C2orf69: variants seen among roughly 807,000 people sequenced by gnomAD.
The protein encoded by C2orf69 is chromosome 2 open reading frame 69.
In C2orf69, 19 loss-of-function variants were observed where a neutral mutation model predicts 29.5. The observed-to-expected ratio is 0.65, with a 90% confidence interval of 0.45 to 0.95. The LOEUF (loss-of-function observed/expected upper bound fraction) is 0.95. C2orf69 is among the 40% of genes least tolerant of loss of function. C2orf69 has a pLI of 0.00. For synonymous variants in C2orf69, 194 were observed against 180.0 expected, an observed-to-expected ratio of 1.08 and a Z score of -0.62; for missense variants, 416 against 482.1, an observed-to-expected ratio of 0.86 and a Z score of 1.28.
At chr2:199,916,538 A>G (rs147954475) in intron 1 of C2orf69, among the ~76,000 whole-genome samples, 1 of 152,190 alleles carries the variant, frequency 6.6e-6, no homozygotes, top group Non-Finnish European at 1.5e-5. Context: ...TCCACCTATG[A>G]GCCTGTAAAA....
chr2:199,924,158 A>T (rs1272213703), intron 1 of C2orf69, among the ~76,000 whole-genome samples: 1 of 152,184 alleles, frequency 6.6e-6, no homozygotes, highest in East Asian at 1.9e-4. Context: ...CTATAATACC[A>T]ATACTTTGGA....
chr2:199,920,308 G>C (rs1480829716), intron 1 of C2orf69, among the ~76,000 whole-genome samples: 2 of 152,042 alleles, frequency 1.3e-5, no homozygotes, highest in African/African-American at 2.4e-5. Context: ...TCTGGGCTTT[G>C]ACACACAGTA....
rs571553456 is a variant in C2orf69, at chr2:199,911,356, C to A, written c.-83C>A. On this transcript the variant is annotated 5_prime_UTR_variant, in exon 1 of 2. Coordinates refer to ENST00000319974, the MANE Select transcript of C2orf69 (RefSeq NM_153689.6). ...CCGCGGCCGCCGACCGTTGAGCCGCCGGCTGAGCCGCCTGCTGAAGTCCCT... is the reference window on the plus strand; with the variant it reads ...CCGCGGCCGCCGACCGTTGAGCCGCAGGCTGAGCCGCCTGCTGAAGTCCCT... 1 of 1,369,188 alleles carries A rather than the reference C, an allele frequency of 7.3e-7. No homozygotes were observed. The highest frequency in any genetic ancestry group is 9.4e-7 in the Non-Finnish European group (1 of 1,066,800). The allele number at this position is 1,369,188 out of a possible 1,614,324, so 84.8% of individuals were successfully genotyped here.
intron 1 of C2orf69, among the ~76,000 whole-genome samples, chr2:199,915,040 G>A (rs1323687928): frequency 6.6e-6 from 1 of 152,174 alleles, no homozygotes; most frequent in Admixed American, 6.5e-5. Context: ...CATGTTTTAG[G>A]TGTGCAGTAG....
At chr2:199,911,823 G>A (rs1391275589) in intron 1 of C2orf69, 52 bp downstream of exon 1, 47 of 1,534,790 alleles carry the variant, frequency 3.1e-5, no homozygotes, top group Non-Finnish European at 4.0e-5. Flanking sequence ...GTATACGTAC[G>A]CGGTCACTGA....
At chr2:199,914,989 T>TA (rs1441603184) in intron 1 of C2orf69, among the ~76,000 whole-genome samples, 1 of 152,240 alleles carries the variant, frequency 6.6e-6, no homozygotes, top group Non-Finnish European at 1.5e-5. Flanking sequence ...AATATAAGCT[T>TA]ACGTTTGTTC....
In C2orf69 at chr2:199,925,047, T is replaced by C. The variant is rs1331342356; in HGVS notation, c.334-15T>C. The stretch of plus-strand genomic sequence containing the variant: ...ATATGTATTTAATACTTATTTCATC[T>C]TTCTTACCTTTCAGAATTACCATGA... On this transcript the variant is annotated splice_polypyrimidine_tract_variant and intron_variant, in intron 1 of 1. Transcript: ENST00000319974. The surrounding 1 kb of genome is among the most constrained non-coding windows in gnomAD (Gnocchi z 4.9). The C allele has an allele frequency of 6.9e-7, 1 of 1,453,410 alleles. No individual in the cohort carries two copies. Among genetic ancestry groups the C allele is most frequent in the East Asian group, 2.3e-5 (1 of 43,666 alleles). 90.0% of individuals were successfully genotyped at this position (1,453,410 alleles called of 1,614,324 possible).
chr2:199,912,630 C>T (rs1417440665), intron 1 of C2orf69, among the ~76,000 whole-genome samples: 8 of 151,988 alleles, frequency 5.3e-5, no homozygotes. Context: ...TAGACTATAG[C>T]TAGGTATGTT....
rs2077260464 is a variant in C2orf69 at position 199,911,642 on chromosome 2, C to T, written c.204C>T (p.Ser68=). ...TGCCTGGAGCCGATCCGCAGCGCAG[C>T]AACGAATTGCTCCTGTTGGCGGCGG... The part of the protein sequence containing the change: ...STVPGADPQR[S]NELLLLAAAG... Residue 68 remains serine (S), a synonymous_variant, in exon 1 of 2, where the codon AGC becomes AGT. Transcript: ENST00000319974. 1.9e-6 allele frequency: 3 copies of T among 1,549,430 alleles called. No individual in the cohort carries two copies. Among genetic ancestry groups the T allele is most frequent in the Non-Finnish European group, 2.6e-6 (3 of 1,146,600 alleles).
rs1203027040 is a variant in C2orf69 at position 199,927,959 on chromosome 2, C to G, written c.*2073C>G. 6.6e-6 allele frequency: 1 copy of G among 152,150 alleles called. No individual in the cohort carries two copies. The highest frequency in any genetic ancestry group is 1.9e-4 in the East Asian group (1 of 5,198). The allele number at this position is 152,150 out of a possible 1,614,324, so 9.4% of individuals were successfully genotyped here. ...TGTGAATGCTTAATTATAATTGTTA[C>G]ATGTTGAATGGGTATTAAGAGTAAG... On this transcript the variant is annotated 3_prime_UTR_variant, in exon 2 of 2. Transcript: ENST00000319974.
At chr2:199,913,958 A>G (rs2077284082) in intron 1 of C2orf69, among the ~76,000 whole-genome samples, 1 of 152,226 alleles carries the variant, frequency 6.6e-6, no homozygotes, top group Admixed American at 6.5e-5. Flanking sequence ...ACCCTGATTT[A>G]GAACTTTTTA....
intron 1 of C2orf69, among the ~76,000 whole-genome samples, chr2:199,924,257 G>A (rs1348402384): frequency 1.3e-5 from 2 of 152,030 alleles, no homozygotes; most frequent in Non-Finnish European, 2.9e-5. Flanking sequence ...GAATAAAAAC[G>A]TTAGCCACAA....
intron 1 of C2orf69, among the ~76,000 whole-genome samples, chr2:199,924,148 C>A: frequency 6.6e-6 from 1 of 152,048 alleles, no homozygotes; most frequent in Non-Finnish European, 1.5e-5. Context: ...TGACTCATGC[C>A]TATAATACCA....
intron 1 of C2orf69, among the ~76,000 whole-genome samples, chr2:199,922,541 G>C (rs60738719): frequency 0.14 from 20,962 of 152,138 alleles, 1,737 homozygotes; most frequent in Middle Eastern, 0.22. Context: ...ATGCATATAT[G>C]TAAGTATATC....
In C2orf69 at chr2:199,925,553, T is replaced by G. The variant is rs748051822; in HGVS notation, c.825T>G (p.Phe275Leu). ...KGCVVLNQLL[F>L]ELKEAKKDKN... ...GTGTTGTTTTGAATCAGTTGCTTTT[T>G]GAATTGAAAGAAGCCAAGAAAGACA... Residue 275 changes from phenylalanine to leucine, a missense_variant, in exon 2 of 2, where the codon TTT becomes TTG. Physicochemically the swap from Phe to Leu is conservative, Grantham distance 22 (BLOSUM62 0). Transcript: ENST00000319974. This position sits in a 1 kb window ranked among gnomAD's most constrained non-coding sequence, Gnocchi z 4.9. 2 of 1,613,938 alleles carry G rather than the reference T, an allele frequency of 1.2e-6. No individual in the cohort carries two copies. Among genetic ancestry groups the G allele is most frequent in the Non-Finnish European group, 1.7e-6 (2 of 1,179,852 alleles).
chr2:199,911,999 A>G (rs149905387), intron 1 of C2orf69, among the ~76,000 whole-genome samples: 17 of 152,304 alleles, frequency 1.1e-4, no homozygotes, highest in African/African-American at 2.9e-4. Flanking sequence ...GACGAGGGCT[A>G]CGATCTCGAA....
In C2orf69 at chr2:199,913,388, A is replaced by AATATATATTCTATT. The variant is rs2077280254; in HGVS notation, c.333+1620_333+1621insTATATTCTATTATA. Among the ~76,000 whole-genome samples, 5 of 108,538 alleles carry AATATATATTCTATT rather than the reference A, an allele frequency of 4.6e-5. 1 individual carries two copies. Among genetic ancestry groups the AATATATATTCTATT allele is most frequent in the South Asian group, 4.7e-4 (2 of 4,222 alleles). The allele number at this position is 108,538 out of a possible 152,430, so 71.2% of individuals were successfully genotyped here. A position where few individuals can be genotyped will look rare whatever the true frequency, so the allele number is the denominator to read the frequency against. On this transcript the variant is annotated intron_variant, in intron 1 of 1. Transcript: ENST00000319974. ...TTCTATTATGATATATATTATATAT[A>AATATATATTCTATT]ATAACATATATTATATATAATATAT...
intron 1 of C2orf69, among the ~76,000 whole-genome samples, chr2:199,913,200 A>AATATATATTATAAT: frequency 1.0e-5 from 1 of 98,644 alleles, no homozygotes; most frequent in South Asian, 2.7e-4. Flanking sequence ...TATTATATAT[A>AATATATATTATAAT]ATATATAATA....
rs748855175 is a variant in C2orf69 at position 199,911,515 on chromosome 2, C to T, written c.77C>T (p.Ser26Phe). Residue 26 changes from serine to phenylalanine, a missense_variant, in exon 1 of 2, where the codon TCC (serine) becomes TTC (phenylalanine). By Grantham distance (155) the Ser-to-Phe change is radical (BLOSUM62 -2). This residue lies in a region of C2orf69 where 175 missense variants were observed against 139.9 expected (regional missense o/e 1.25). Transcript: ENST00000319974. Reference sequence around the variant, plus strand: ...CAGCTCGGAATCGGAAACGCCTCGTCCTGCTCTCAGGCCAGAACCATGAAC... The same window carrying T: ...CAGCTCGGAATCGGAAACGCCTCGTTCTGCTCTCAGGCCAGAACCATGAAC... The part of the protein sequence containing the change: ...LPQLGIGNAS[S>F]CSQARTMNPG... 1.6e-5 allele frequency: 25 copies of T among 1,549,342 alleles called. No individual in the cohort carries two copies. The East Asian group carries it at 5.4e-4, about 33-fold the overall frequency.
Sources: allele counts gnomAD v4.1 joint callset (sites outside exome capture counted in the v4.1 genomes callset), GRCh38; gene constraint gnomAD v4.1.1; regional missense constraint gnomAD v4.1.1; non-coding constraint Gnocchi (gnomAD v3.1); transcripts MANE v1.5; gene names NCBI Gene and HGNC (gene_info 2026-07-23, HGNC 2026-07-21).